The following CRADD variants were observed in gnomAD, a reference collection of about 807,000 sequenced individuals.
CRADD encodes CARD and death domain containing adaptor protein.
In CRADD, 9 loss-of-function variants were observed where a neutral mutation model predicts 15.5. The observed-to-expected ratio is 0.58, with a 90% CI of 0.35 to 1.01. The LOEUF (loss-of-function observed/expected upper bound fraction) is 1.01. Ranked by LOEUF, CRADD falls within the 50% of genes least tolerant of loss-of-function variation. The pLI, the probability that CRADD is intolerant of heterozygous loss-of-function variation, is 0.02. For synonymous variants in CRADD, 118 were observed against 107.6 expected (o/e 1.10, Z -0.60); for missense variants, 227 against 250.3 (o/e 0.91, Z 0.63).
At chr12:93,878,019 G>A (rs1958469554) in intron 2 of CRADD, among the ~76,000 whole-genome samples, 1 of 152,100 alleles carries the variant, frequency 6.6e-6, no homozygotes, top group Admixed American at 6.5e-5. Context: ...TATTACCCGA[G>A]TGTTGCTACT....
intron 2 of CRADD, among the ~76,000 whole-genome samples, chr12:93,705,093 C>A (rs1422827077): frequency 1.3e-5 from 2 of 152,142 alleles, no homozygotes; most frequent in Non-Finnish European, 2.9e-5. Context: ...ACTTGACAAG[C>A]GAATTTCCCT....
At chr12:93,888,383 C>T (rs930477641) in intron 2 of CRADD, among the ~76,000 whole-genome samples, 4 of 150,486 alleles carry the variant, frequency 2.7e-5, no homozygotes, top group African/African-American at 9.8e-5. Flanking sequence ...CGAGATCGTG[C>T]CACTGCACTC....
At chr12:93,761,814 T>C (rs924072777) in intron 2 of CRADD, among the ~76,000 whole-genome samples, 15 of 152,210 alleles carry the variant, frequency 9.9e-5, no homozygotes, top group Non-Finnish European at 1.9e-4. Flanking sequence ...TCAATAATTT[T>C]CCCAGCTTTA....
intron 2 of CRADD, among the ~76,000 whole-genome samples, chr12:93,872,764 A>G (rs1260642012): frequency 6.6e-6 from 1 of 151,998 alleles, no homozygotes; most frequent in African/African-American, 2.4e-5. Flanking sequence ...CCATTGGTCT[A>G]TGTGTCTGTT....
chr12:93,868,944 C>A (rs1234176060), intron 2 of CRADD, among the ~76,000 whole-genome samples: 2 of 152,166 alleles, frequency 1.3e-5, no homozygotes, highest in African/African-American at 4.8e-5. Context: ...ACAAAATCTT[C>A]TCAAAACCTT....
At chr12:93,798,276 T>G (rs2136993690) in intron 2 of CRADD, among the ~76,000 whole-genome samples, 1 of 152,314 alleles carries the variant, frequency 6.6e-6, no homozygotes, top group Middle Eastern at 3.4e-3. Flanking sequence ...ATTTGCTGGA[T>G]GAATGTTCTT....
chr12:93,696,762 T>TA (rs1955716633), intron 2 of CRADD, among the ~76,000 whole-genome samples: 1 of 150,438 alleles, frequency 6.6e-6, no homozygotes, highest in African/African-American at 2.5e-5. Flanking sequence ...AAAACCACAA[T>TA]AAAAAATAAC....
At chr12:93,829,241 A>G (rs568486893) in intron 2 of CRADD, among the ~76,000 whole-genome samples, 3 of 152,180 alleles carry the variant, frequency 2.0e-5, no homozygotes, top group Middle Eastern at 3.4e-3. Flanking sequence ...CCTTGAGTGA[A>G]AAGAGTCTGT....
intron 2 of CRADD, among the ~76,000 whole-genome samples, chr12:93,762,112 T>A (rs994723009): frequency 6.6e-6 from 1 of 152,216 alleles, no homozygotes; most frequent in African/African-American, 2.4e-5. Flanking sequence ...ACTGGAAACC[T>A]TTTTTAAGCT....
At chr12:93,818,161 T>C (rs779903708) in intron 2 of CRADD, among the ~76,000 whole-genome samples, 1 of 152,184 alleles carries the variant, frequency 6.6e-6, no homozygotes, top group Non-Finnish European at 1.5e-5. Flanking sequence ...GACACGAACA[T>C]GCATGCTTGC....
At chr12:93,740,710 C>T (rs921708515) in intron 2 of CRADD, among the ~76,000 whole-genome samples, 1 of 152,054 alleles carries the variant, frequency 6.6e-6, no homozygotes, top group Non-Finnish European at 1.5e-5. Flanking sequence ...AAAAAGCCAG[C>T]GTTGACTAGT....
chr12:93,879,859 G>A (rs930049895), intron 2 of CRADD, among the ~76,000 whole-genome samples: 9 of 152,160 alleles, frequency 5.9e-5, no homozygotes, highest in Non-Finnish European at 1.2e-4. Context: ...CGACTATCTT[G>A]TCAAGCGTCC....
chr12:93,867,836 C>T (rs1450073413), intron 2 of CRADD, among the ~76,000 whole-genome samples: 1 of 151,874 alleles, frequency 6.6e-6, no homozygotes, highest in Admixed American at 6.6e-5. Context: ...GAGTGGGGGG[C>T]CCAGAGACAA....
chr12:93,783,160 A>T (rs1317637237), intron 2 of CRADD, among the ~76,000 whole-genome samples: 1 of 151,376 alleles, frequency 6.6e-6, no homozygotes, highest in African/African-American at 2.4e-5. Context: ...TTAAGAAATC[A>T]TTTGCTGGGC....
At chr12:93,678,219 T>C (rs1025794428) in intron 1 of CRADD, among the ~76,000 whole-genome samples, 1 of 152,188 alleles carries the variant, frequency 6.6e-6, no homozygotes, top group Non-Finnish European at 1.5e-5. Flanking sequence ...AGAGGACTTT[T>C]AGCGAAAAGA....
chr12:93,769,388 A>G (rs1022260966), intron 2 of CRADD, among the ~76,000 whole-genome samples: 1 of 151,958 alleles, frequency 6.6e-6, no homozygotes, highest in African/African-American at 2.4e-5. Flanking sequence ...TTGGCCCACC[A>G]TTCTATTGTT....
intron 2 of CRADD, among the ~76,000 whole-genome samples, chr12:93,761,026 G>A (rs1050774932): frequency 1.3e-5 from 2 of 152,064 alleles, no homozygotes; most frequent in African/African-American, 2.4e-5. Context: ...GGAGTCTAGC[G>A]AACAGGGTGA....
At chr12:93,853,119 G>C (rs1464398393), downstream of CRADD, among the ~76,000 whole-genome samples, 1 of 151,894 alleles carries the variant, frequency 6.6e-6, no homozygotes, top group African/African-American at 2.4e-5. Context: ...CTTATAAAAA[G>C]TGTTATATTT....
intron 2 of CRADD, among the ~76,000 whole-genome samples, chr12:93,756,673 G>A (rs930479473): frequency 2.0e-5 from 3 of 152,240 alleles, no homozygotes; most frequent in Admixed American, 2.0e-4. Flanking sequence ...CTTCTAAGCA[G>A]TAGGAAGCCT....
Sources: allele counts gnomAD v4.1 joint callset (sites outside exome capture counted in the v4.1 genomes callset), GRCh38; gene constraint gnomAD v4.1.1; transcripts MANE v1.5; gene names NCBI Gene and HGNC (gene_info 2026-07-23, HGNC 2026-07-21).